The following CSMD1 variants were observed in gnomAD, a reference collection of about 807,000 sequenced individuals.
The protein encoded by CSMD1 is CUB and sushi domain-containing protein 1.
CSMD1 carries 213 observed loss-of-function variants against 417.5 expected under a neutral mutation model. The ratio of observed to expected loss-of-function variants is 0.51; its 90% CI spans 0.46 to 0.57. The LOEUF is 0.57. Among genes scored for constraint, CSMD1 ranks in the 20% least tolerant of loss-of-function variants. The pLI is 0.00. For missense variants in CSMD1, 6,923 were observed against 4,529.7 expected (o/e 1.53, Z -15.17); for synonymous variants, 2,862 against 1,736.8 (o/e 1.65, Z -16.11).
At chr8:3,742,403 T>A (rs1319195505) in intron 6 of CSMD1, among the ~76,000 whole-genome samples, 7 of 152,188 alleles carry the variant, frequency 4.6e-5, no homozygotes, top group African/African-American at 1.7e-4. Context: ...AATTGTAAAC[T>A]CCTGCAGAAA....
At chr8:3,825,336 C>G (rs1178650073) in intron 5 of CSMD1, among the ~76,000 whole-genome samples, 1 of 152,126 alleles carries the variant, frequency 6.6e-6, no homozygotes, top group African/African-American at 2.4e-5. Flanking sequence ...TCGAGACCAG[C>G]TTGGCCAACA....
chr8:4,434,026 G>A (rs1368758663), intron 2 of CSMD1, among the ~76,000 whole-genome samples: 2 of 152,076 alleles, frequency 1.3e-5, no homozygotes, highest in African/African-American at 4.8e-5. Flanking sequence ...TCAAAGATAT[G>A]ACAAGGAATT....
chr8:3,305,943 G>A (rs1584965832), intron 25 of CSMD1, among the ~76,000 whole-genome samples: 1 of 152,118 alleles, frequency 6.6e-6, no homozygotes, highest in Non-Finnish European at 1.5e-5. Context: ...GCCTCCCAAG[G>A]TGCTGGGATT....
intron 3 of CSMD1, among the ~76,000 whole-genome samples, chr8:4,105,031 A>G (rs1182336661): frequency 6.6e-6 from 1 of 152,218 alleles, no homozygotes. Context: ...CATTATAGAA[A>G]TGCTAAGGGC....
At chr8:4,019,357 C>G (rs796753932) in intron 4 of CSMD1, among the ~76,000 whole-genome samples, 1 of 152,286 alleles carries the variant, frequency 6.6e-6, no homozygotes, top group South Asian at 2.1e-4. Flanking sequence ...AGTTTTGTGT[C>G]TGTTCCCATA....
At chr8:3,513,792 G>A (rs1055608823) in intron 10 of CSMD1, among the ~76,000 whole-genome samples, 1 of 152,196 alleles carries the variant, frequency 6.6e-6, no homozygotes, top group Non-Finnish European at 1.5e-5. Context: ...GAGATAGACA[G>A]CATTTTAATT....
intron 5 of CSMD1, among the ~76,000 whole-genome samples, chr8:3,954,957 G>A (rs1268603052): frequency 2.0e-5 from 3 of 152,146 alleles, no homozygotes; most frequent in Non-Finnish European, 2.9e-5. Context: ...TTTCTCCCTG[G>A]GGTCTGCATT....
intron 1 of CSMD1, among the ~76,000 whole-genome samples, chr8:4,752,625 G>C (rs983286452): frequency 1.3e-5 from 2 of 152,198 alleles, no homozygotes; most frequent in African/African-American, 2.4e-5. Context: ...GAGCAAGAGA[G>C]AGGGGAAAAT....
At chr8:3,441,926 A>G (rs1815008346) in intron 12 of CSMD1, among the ~76,000 whole-genome samples, 1 of 152,108 alleles carries the variant, frequency 6.6e-6, no homozygotes, top group Non-Finnish European at 1.5e-5. Flanking sequence ...ACTGAACATG[A>G]GAGCTTCATT....
intron 7 of CSMD1, among the ~76,000 whole-genome samples, chr8:3,682,840 C>T (rs567281753): frequency 1.3e-5 from 2 of 152,266 alleles, no homozygotes; most frequent in African/African-American, 4.8e-5. Flanking sequence ...GGCACATATA[C>T]ACCATGGAAT....
intron 5 of CSMD1, among the ~76,000 whole-genome samples, chr8:3,772,882 A>G (rs1213067410): frequency 2.0e-5 from 3 of 151,894 alleles, no homozygotes; most frequent in African/African-American, 4.8e-5. Flanking sequence ...CAGGGTGACA[A>G]TGAAAATATC....
intron 2 of CSMD1, among the ~76,000 whole-genome samples, chr8:4,516,292 G>A (rs545292972): frequency 6.6e-6 from 1 of 152,252 alleles, no homozygotes; most frequent in Admixed American, 6.5e-5. Context: ...CAACCCCACT[G>A]ACACCGTGAT....
intron 5 of CSMD1, among the ~76,000 whole-genome samples, chr8:3,886,726 A>G (rs1806588830): frequency 6.6e-6 from 1 of 152,170 alleles, no homozygotes; most frequent in Non-Finnish European, 1.5e-5. Context: ...TAGTGCCTCT[A>G]AGATGGCTGT....
chr8:4,922,404 G>A (rs1358064488), intron 1 of CSMD1, among the ~76,000 whole-genome samples: 1 of 152,084 alleles, frequency 6.6e-6, no homozygotes, highest in African/African-American at 2.4e-5. Flanking sequence ...TGTTTTACTT[G>A]AGAAAAATTA....
At chr8:3,045,557 C>T (rs1009018679) in intron 50 of CSMD1, among the ~76,000 whole-genome samples, 2 of 152,250 alleles carry the variant, frequency 1.3e-5, no homozygotes, top group African/African-American at 4.8e-5. Flanking sequence ...GTCCTTAAAG[C>T]CACTGGTCTA....
At chr8:3,889,023 A>C (rs1357372392) in intron 5 of CSMD1, among the ~76,000 whole-genome samples, 2 of 152,108 alleles carry the variant, frequency 1.3e-5, no homozygotes, top group South Asian at 2.1e-4. Context: ...AATTACCATA[A>C]TTGCCATTTC....
At chr8:4,228,998 C>G (rs1204093703) in intron 3 of CSMD1, among the ~76,000 whole-genome samples, 2 of 152,102 alleles carry the variant, frequency 1.3e-5, no homozygotes, top group Admixed American at 1.3e-4. Context: ...CGAACCTGGA[C>G]TTTTCCATGA....
chr8:4,422,208 C>G (rs186009670), intron 2 of CSMD1, among the ~76,000 whole-genome samples: 6 of 152,102 alleles, frequency 3.9e-5, no homozygotes, highest in Non-Finnish European at 8.8e-5. Flanking sequence ...CAGTCGTACA[C>G]ACTTTAAAGA....
intron 6 of CSMD1, among the ~76,000 whole-genome samples, chr8:3,722,783 T>C (rs1454444647): frequency 2.0e-5 from 3 of 152,218 alleles, no homozygotes. Context: ...AGAATGCACC[T>C]GCACTTCTGC....
Sources: allele counts gnomAD v4.1 joint callset (sites outside exome capture counted in the v4.1 genomes callset), GRCh38; gene constraint gnomAD v4.1.1; transcripts MANE v1.5; gene names NCBI Gene and HGNC (gene_info 2026-07-23, HGNC 2026-07-21).